ABCA10: variants seen among roughly 807,000 people sequenced by gnomAD.
ABCA10 encodes the protein ATP-binding cassette sub-family A member 10.
ABCA10 carries 169 observed loss-of-function variants against 187.5 expected under a neutral mutation model. That is an observed-to-expected ratio of 0.90 (90% confidence interval 0.80 to 1.02). The LOEUF (loss-of-function observed/expected upper bound fraction) is 1.02. ABCA10 is among the 50% of genes least tolerant of loss of function. The pLI, the probability that ABCA10 is intolerant of heterozygous loss-of-function variation, is 0.00. For missense variants in ABCA10, 1,727 were observed against 1,812.4 expected (o/e 0.95, Z 0.86); for synonymous variants, 574 against 601.8 (o/e 0.95, Z 0.68).
intron 25 of ABCA10, among the ~76,000 whole-genome samples, chr17:69,168,127 A>G (rs1264312671): frequency 6.6e-6 from 1 of 152,148 alleles, no homozygotes; most frequent in Non-Finnish European, 1.5e-5. Flanking sequence ...TCTTTTCTCT[A>G]GCTTACTTTA....
intron 9 of ABCA10, among the ~76,000 whole-genome samples, chr17:69,202,543 A>G (rs8076448): frequency 6.6e-6 from 1 of 152,156 alleles, no homozygotes; most frequent in Non-Finnish European, 1.5e-5. Context: ...GAAGCATGGG[A>G]AATTTTTTTA....
chr17:69,150,063 T>A lies in ABCA10; in HGVS notation c.4398A>T (p.Arg1466Ser), dbSNP rs137945891. Residue 1466 changes from arginine (R) to serine (S), a missense_variant and splice_region_variant, in exon 37 of 39, where the codon AGA (arginine) becomes AGT (serine). Physicochemically the swap from Arg to Ser is moderately radical, Grantham distance 110. Coordinates refer to ENST00000690296, the MANE Select transcript of ABCA10 (RefSeq NM_001377321.1). Reference protein sequence around the residue: ...KLFPQAAWQERYSSLMAYKLP... With the variant: ...KLFPQAAWQESYSSLMAYKLP... Reference sequence around the variant, plus strand: ...ACTTATACGCCATTAAAGAGGAATATCTGTCAGGAAGAAGAGTGAGATTTA... The same window carrying A: ...ACTTATACGCCATTAAAGAGGAATAACTGTCAGGAAGAAGAGTGAGATTTA... 25 of 1,607,864 alleles carry A rather than the reference T, an allele frequency of 1.6e-5. No individual in the cohort carries two copies. The East Asian group carries it at 4.2e-4, about 27-fold the overall frequency.
intron 9 of ABCA10, 146 bp downstream of exon 9, chr17:69,214,558 A>C: frequency 1.4e-6 from 1 of 691,170 alleles, no homozygotes; most frequent in Non-Finnish European, 2.1e-6. Context: ...AAATAGTAAA[A>C]TGGAAATGAG....
chr17:69,185,346 C>A, intron 20 of ABCA10, 131 bp downstream of exon 20: 1 of 812,184 alleles, frequency 1.2e-6, no homozygotes, highest in African/African-American at 1.7e-5. Flanking sequence ...ATTAACCCAT[C>A]AGTTTCCTTC....
chr17:69,156,808 G>T (rs764674127), intron 28 of ABCA10, 24 bp downstream of exon 28: 4 of 1,342,878 alleles, frequency 3.0e-6, no homozygotes, highest in Non-Finnish European at 3.1e-6. Flanking sequence ...ATTATATTCA[G>T]ATCTCAATTA....
Position 69,153,515 on chromosome 17 carries a change from G to A in ABCA10, c.3997C>T (p.Leu1333Phe). The change falls in exon 33 of 39, where the codon CTT becomes TTT. Residue 1333 changes from leucine to phenylalanine, a missense_variant. Physicochemically the swap from Leu to Phe is conservative, Grantham distance 22. Coordinates refer to ENST00000690296, the MANE Select transcript of ABCA10 (RefSeq NM_001377321.1). ...GATAGAGTTTTCACAGGAGCCTTAAGTTGTTCCTGGAGCTTAAGAGCTTCC... is the reference window on the plus strand; with the variant it reads ...GATAGAGTTTTCACAGGAGCCTTAAATTGTTCCTGGAGCTTAAGAGCTTCC... ...LVEALKLQEQ[L>F]KAPVKTLSEG... 3.1e-6 allele frequency: 5 copies of A among 1,614,152 alleles called. No individual in the cohort carries two copies. In the African/African-American group the frequency reaches 6.7e-5, roughly 22 times the overall value.
Position 69,193,527 on chromosome 17 carries a change from A to G in ABCA10, c.1607T>C (p.Leu536Pro). The G allele has an allele frequency of 6.2e-7, 1 of 1,613,648 alleles. No individual in the cohort carries two copies. The highest frequency in any genetic ancestry group is 8.5e-7 in the Non-Finnish European group (1 of 1,179,776). ...TCCTAAGATGGCAATCCCTAGTGTTAGTTTTCTCTTCTGCCCACCACTTAA... is the reference window on the plus strand; with the variant it reads ...TCCTAAGATGGCAATCCCTAGTGTTGGTTTTCTCTTCTGCCCACCACTTAA... ...KKLSGGQKRK[L>P]TLGIAILGDP... The change falls in exon 14 of 39, where the codon CTA becomes CCA. Residue 536 changes from leucine to proline, a missense_variant. Leu to Pro is a moderately conservative substitution (Grantham distance 98). Coordinates refer to ENST00000690296, the MANE Select transcript of ABCA10 (RefSeq NM_001377321.1).
intron 11 of ABCA10, chr17:69,196,429 A>G (rs2074503305): frequency 5.5e-6 from 1 of 181,256 alleles, no homozygotes; most frequent in Non-Finnish European, 1.1e-5. Context: ...GGCGGGGCAG[A>G]GGCGCTCCCC....
intron 16 of ABCA10, among the ~76,000 whole-genome samples, chr17:69,191,608 CACAA>C (rs1448651666): frequency 3.3e-5 from 5 of 152,044 alleles, no homozygotes; most frequent in African/African-American, 9.7e-5. Context: ...TACACACATA[CACAA>C]ACACACATAC....
chr17:69,238,055 G>A (rs201133175), intron 1 of ABCA10, among the ~76,000 whole-genome samples: 1 of 151,844 alleles, frequency 6.6e-6, no homozygotes, highest in African/African-American at 2.4e-5. Flanking sequence ...CCAGCTACTC[G>A]GGAGGCTGAG....
At chr17:69,230,673 A>G (rs554555953), upstream of ABCA10, among the ~76,000 whole-genome samples, 1 of 152,150 alleles carries the variant, frequency 6.6e-6, no homozygotes, top group South Asian at 2.1e-4. Context: ...AGGTAAATGT[A>G]CTATATTAAT....
rs1183184279 is a variant in ABCA10 at position 69,174,339 on chromosome 17, G to A, written c.3104C>T (p.Ser1035Leu). The change falls in exon 25 of 39, where the codon TCA becomes TTA. Residue 1035 changes from serine (S) to leucine (L), a missense_variant. Coordinates refer to ENST00000690296, the MANE Select transcript of ABCA10 (RefSeq NM_001377321.1). ...VSLIFLTYVL[S>L]FIFRKWRKNN... Reference sequence around the variant, plus strand: ...TTTTCTCCACTTGCGAAAGATGAATGAAAGCACATATGTGAGGAATATAAG... The same window carrying A: ...TTTTCTCCACTTGCGAAAGATGAATAAAAGCACATATGTGAGGAATATAAG... The A allele has an allele frequency of 1.9e-6, 3 of 1,606,654 alleles. No individual in the cohort carries two copies. The highest frequency in any genetic ancestry group is 2.3e-5 in the South Asian group (2 of 88,850).
chr17:69,216,029 T>C, intron 7 of ABCA10, 29 bp from the exon 8 acceptor site: 2 of 1,585,112 alleles, frequency 1.3e-6, no homozygotes, highest in Non-Finnish European at 1.7e-6. Context: ...CTGATTGGTA[T>C]ATTTTTCCTT....
At position 69,210,170 on chromosome 17, in the gene ABCA10, C is replaced by CTTTTTT. The variant is rs1160992125; in HGVS notation, c.1006+4528_1006+4533dup. ...TGGGTAAATTATTTAGTGGTTATTTCTTTTTTTTTTTTTTTTTTTTTTTTT... is the reference window on the plus strand; with the variant it reads ...TGGGTAAATTATTTAGTGGTTATTTCTTTTTTTTTTTTTTTTTTTTTTTTTTTTTTT... On this transcript the variant is annotated intron_variant, in intron 9 of 38. Transcript: ENST00000690296. Among the ~76,000 whole-genome samples the CTTTTTT allele has an allele frequency of 2.4e-3, 171 of 70,870 alleles. 7 individuals are homozygous for CTTTTTT. The highest frequency in any genetic ancestry group is 0.011 in the Middle Eastern group (1 of 92). 46.5% of individuals were successfully genotyped at this position (70,870 alleles called of 152,430 possible). A position where few individuals can be genotyped will look rare whatever the true frequency, so the allele number is the denominator to read the frequency against.
rs745692705 is a variant in ABCA10, at chr17:69,174,770, A to G, written c.2885T>C (p.Val962Ala). 5 of 1,576,566 alleles carry G rather than the reference A, an allele frequency of 3.2e-6. 1 individual carries two copies. In the South Asian group the frequency reaches 6.0e-5, roughly 19 times the overall value. The change falls in exon 24 of 39, where the codon GTT becomes GCT. Residue 962 changes from valine (V) to alanine (A), a missense_variant. Transcript: ENST00000690296. ...GCCTGAAATCCATAACTGGGATTGAACATTTTTCTGACAAAGAATAGAAGG... is the reference window on the plus strand; with the variant it reads ...GCCTGAAATCCATAACTGGGATTGAGCATTTTTCTGACAAAGAATAGAAGG... ...MSSISDYKKN[V>A]QSQLWISGLW...
chr17:69,150,421 A>C (rs1321436391), intron 36 of ABCA10: 2 of 161,220 alleles, frequency 1.2e-5, no homozygotes, highest in Non-Finnish European at 2.7e-5. Flanking sequence ...ATTGAGATTT[A>C]ATTTTCAATC....
At chr17:69,158,830 T>C (rs895388247) in intron 27 of ABCA10, among the ~76,000 whole-genome samples, 1 of 152,032 alleles carries the variant, frequency 6.6e-6, no homozygotes, top group Non-Finnish European at 1.5e-5. Flanking sequence ...CTGACACTGA[T>C]GTAAACAAAT....
At chr17:69,174,435 G>C (rs2144779420) in intron 24 of ABCA10, 41 bp from the exon 25 acceptor site, 2 of 1,510,928 alleles carry the variant, frequency 1.3e-6, no homozygotes, top group Non-Finnish European at 1.8e-6. Context: ...AGAAATGGCA[G>C]GTCATAGAGG....
At position 69,152,348 on chromosome 17, in the gene ABCA10, G is replaced by C; in HGVS notation, c.4256+14C>G. ...GAACATGCTAGTCCCATGCTGGTCAGGACAGGCACCCACCTTAGCGTTCCT... is the reference window on the plus strand; with the variant it reads ...GAACATGCTAGTCCCATGCTGGTCACGACAGGCACCCACCTTAGCGTTCCT... On this transcript the variant is annotated intron_variant, in intron 35 of 38. Transcript: ENST00000690296. 1.2e-6 allele frequency: 2 copies of C among 1,611,602 alleles called. No homozygotes were observed. Among genetic ancestry groups the C allele is most frequent in the Non-Finnish European group, 1.7e-6 (2 of 1,178,988 alleles).
Sources: allele counts gnomAD v4.1 joint callset (sites outside exome capture counted in the v4.1 genomes callset), GRCh38; gene constraint gnomAD v4.1.1; transcripts MANE v1.5; gene names NCBI Gene and HGNC (gene_info 2026-07-23, HGNC 2026-07-21).